Variants in RREB1 observed in about 807,000 individuals in gnomAD.
RREB1 encodes the protein ras-responsive element-binding protein 1.
RREB1 carries 27 observed loss-of-function variants against 117.8 expected under a neutral mutation model. The observed-to-expected ratio is 0.23, with a 90% CI of 0.17 to 0.32. RREB1 has a LOEUF of 0.32. Among genes scored for constraint, RREB1 ranks in the 10% least tolerant of loss-of-function variants. RREB1 has a pLI of 1.00. For synonymous variants in RREB1, 1,298 were observed against 1,026.7 expected (o/e 1.26, Z -5.05); for missense variants, 2,577 against 2,378.2 (o/e 1.08, Z -1.74).
At chr6:7,188,248 T>TGTGC (rs772080167) in intron 5 of RREB1, among the ~76,000 whole-genome samples, 1 of 145,420 alleles carries the variant, frequency 6.9e-6, no homozygotes, top group Non-Finnish European at 1.5e-5. Context: ...TGTGTGTGTG[T>TGTGC]GTGTGCGCGC....
chr6:7,246,404 C>G lies in RREB1; in HGVS notation c.3974-20C>G, dbSNP rs540309685. ...CTGGTGGTGCCCCTCTGAGCCCTCC[C>G]CGCTGTGCTTGCCCCACAGACAGTC... On this transcript the variant is annotated intron_variant, in intron 11 of 12. Coordinates refer to ENST00000379938, the MANE Select transcript of RREB1 (RefSeq NM_001003699.4). The G allele has an allele frequency of 6.8e-7, 1 of 1,463,168 alleles. No homozygotes were observed. Among genetic ancestry groups the G allele is most frequent in the South Asian group, 1.4e-5 (1 of 71,892 alleles). The allele number at this position is 1,463,168 out of a possible 1,614,324, so 90.6% of individuals were successfully genotyped here.
At chr6:7,165,831 C>A (rs532221792) in intron 1 of RREB1, among the ~76,000 whole-genome samples, 1 of 152,052 alleles carries the variant, frequency 6.6e-6, no homozygotes, top group African/African-American at 2.4e-5. Context: ...GTCTATCTCC[C>A]CTTTTCAGTT....
rs745694545 is a variant in RREB1, at chr6:7,230,805, C to T, written c.2706C>T (p.Phe902=). 4.3e-6 allele frequency: 7 copies of T among 1,614,200 alleles called. 1 individual carries two copies. In the South Asian group the frequency reaches 7.7e-5, roughly 18 times the overall value. Residue 902 remains phenylalanine, a synonymous_variant, in exon 10 of 13, where the codon TTC becomes TTT. Transcript: ENST00000379938. ...FAVDFNEPLD[F]SQKGLALVQV... ...TGGACTTCAATGAGCCCCTGGACTT[C>T]TCGCAGAAGGGCCTGGCCCTGGTCC...
chr6:7,135,750 C>T (rs1762323804), intron 1 of RREB1, among the ~76,000 whole-genome samples: 1 of 152,154 alleles, frequency 6.6e-6, no homozygotes, highest in African/African-American at 2.4e-5. Context: ...AAACATTTAA[C>T]ATGATCTTTA....
At position 7,230,656 on chromosome 6, in the gene RREB1, C is replaced by G. The variant is rs780801400; in HGVS notation, c.2557C>G (p.Leu853Val). ...CGGGGAGGACAGTGGCTGCGCTGCCCTTGGTGACTGCAAGCCCCTCACTGC... is the reference window on the plus strand; with the variant it reads ...CGGGGAGGACAGTGGCTGCGCTGCCGTTGGTGACTGCAAGCCCCTCACTGC... ...GRGEDSGCAA[L>V]GDCKPLTAFL... The change falls in exon 10 of 13, where the codon CTT (leucine) becomes GTT (valine). Residue 853 changes from leucine to valine, a missense_variant. By Grantham distance (32) the Leu-to-Val change is conservative (BLOSUM62 1). Coordinates refer to ENST00000379938, the MANE Select transcript of RREB1 (RefSeq NM_001003699.4). 1 of 1,598,890 alleles carries G rather than the reference C, an allele frequency of 6.3e-7. No homozygotes were observed. The highest frequency in any genetic ancestry group is 2.2e-5 in the East Asian group (1 of 44,654).
rs774905421 is a variant in RREB1 at position 7,187,442 on chromosome 6, AGAG to A, written c.184_186del (p.Glu62del). Reference sequence around the variant, plus strand: ...TTAATCTTTCTTTTTAGGAAACGAAAGAGGAGAAGTCTTCCTATAACTGCCCCC... The same window carrying A: ...TTAATCTTTCTTTTTAGGAAACGAAAGAGAAGTCTTCCTATAACTGCCCCC... On this transcript the variant is annotated inframe_deletion, in exon 5 of 13. Coordinates refer to ENST00000379938, the MANE Select transcript of RREB1 (RefSeq NM_001003699.4). 7.5e-6 allele frequency: 12 copies of A among 1,598,984 alleles called. No homozygotes were observed. Among genetic ancestry groups the A allele is most frequent in the Admixed American group, 3.4e-5 (2 of 59,686 alleles).
chr6:7,177,843 C>G lies in RREB1; in HGVS notation c.-166+1070C>G, dbSNP rs150342738. Among the ~76,000 whole-genome samples the G allele has an allele frequency of 1.9e-3, 288 of 152,244 alleles. 9 individuals carry two copies. In the East Asian group the frequency reaches 0.046, roughly 24 times the overall value. Reference sequence around the variant, plus strand: ...GTTCAAGCGATTCTCCTATTTCAGCCTCCTGAGTAGCTGGGATTACAGGCA... The same window carrying G: ...GTTCAAGCGATTCTCCTATTTCAGCGTCCTGAGTAGCTGGGATTACAGGCA... On this transcript the variant is annotated intron_variant, in intron 2 of 12. Coordinates refer to ENST00000379938, the MANE Select transcript of RREB1 (RefSeq NM_001003699.4).
At chr6:7,184,280 TTTATTA>T (rs1254852556) in intron 4 of RREB1, among the ~76,000 whole-genome samples, 2 of 151,184 alleles carry the variant, frequency 1.3e-5, no homozygotes, top group African/African-American at 4.8e-5. Context: ...TATTATTTTT[TTTATTA>T]TTATTATGTT....
At chr6:7,175,952 C>G (rs1441346702) in intron 1 of RREB1, among the ~76,000 whole-genome samples, 1 of 152,210 alleles carries the variant, frequency 6.6e-6, no homozygotes, top group Non-Finnish European at 1.5e-5. Flanking sequence ...AGGTCTGGCT[C>G]TGTTACCCAG....
In RREB1 at chr6:7,229,427, A is replaced by G; in HGVS notation, c.1328A>G (p.Gln443Arg). Residue 443 changes from glutamine (Q) to arginine (R), a missense_variant, in exon 10 of 13, where the codon CAG becomes CGG. Gln to Arg is a conservative substitution (Grantham distance 43). Transcript: ENST00000379938. The surrounding 1 kb of genome is among the most constrained non-coding windows in gnomAD (Gnocchi z 4.5). ...AAGCACCTGTCCCTGCAGCCCTTCC[A>G]GAAGGGCTTCATCATCCAGCCTGAC... ...SIKHLSLQPFQKGFIIQPDSS... is the reference protein window; with the variant it reads ...SIKHLSLQPFRKGFIIQPDSS... The G allele has an allele frequency of 6.2e-7, 1 of 1,614,152 alleles. No individual in the cohort carries two copies. The highest frequency in any genetic ancestry group is 2.2e-5 in the East Asian group (1 of 44,888).
At chr6:7,216,669 C>T (rs1766918034) in intron 8 of RREB1, 1 of 152,288 alleles carries the variant, frequency 6.6e-6, no homozygotes, top group Non-Finnish European at 1.5e-5. Flanking sequence ...ATTGATCCCA[C>T]CCTTGTCAAA....
intron 10 of RREB1, among the ~76,000 whole-genome samples, chr6:7,232,763 C>CTTTTTTTTTTTTT (rs59522749): frequency 1.5e-5 from 2 of 136,970 alleles, no homozygotes; most frequent in Non-Finnish European, 3.1e-5. Flanking sequence ...TTTTCTTTTT[C>CTTTTTTTTTTTTT]TTTTTTTTTT....
chr6:7,210,944 A>C lies in RREB1; in HGVS notation c.566A>C (p.Lys189Thr). 2 of 1,613,474 alleles carry C rather than the reference A, an allele frequency of 1.2e-6. No individual in the cohort carries two copies. Among genetic ancestry groups the C allele is most frequent in the Non-Finnish European group, 1.7e-6 (2 of 1,179,742 alleles). The part of the protein sequence containing the change: ...ESEREDPAPA[K>T]KMVEDGQSGD... Reference sequence around the variant, plus strand: ...GAGAGAGAAGACCCAGCACCAGCTAAAAAGGTCCTCTTGGCTCCCAGTGCA... The same window carrying C: ...GAGAGAGAAGACCCAGCACCAGCTACAAAGGTCCTCTTGGCTCCCAGTGCA... The change falls in exon 7 of 13, where the codon AAA becomes ACA. Residue 189 changes from lysine (K) to threonine (T), a missense_variant. Transcript: ENST00000379938.
At position 7,229,133 on chromosome 6, in the gene RREB1, A is replaced by G; in HGVS notation, c.1034A>G (p.Gln345Arg). 5 of 1,609,228 alleles carry G rather than the reference A, an allele frequency of 3.1e-6. No individual in the cohort carries two copies. The highest frequency in any genetic ancestry group is 1.7e-5 in the Admixed American group (1 of 59,862). The stretch of plus-strand genomic sequence containing the variant: ...ACCCATGTGGCGGCAGACCAGGGTC[A>G]AGAAAAGCCGCAGGCCACGCCCCTG... ...KQTHVAADQGQEKPQATPLPG... is the reference protein window; with the variant it reads ...KQTHVAADQGREKPQATPLPG... The change falls in exon 10 of 13, where the codon CAA becomes CGA. Residue 345 changes from glutamine to arginine, a missense_variant. Physicochemically the swap from Gln to Arg is conservative, Grantham distance 43. Coordinates refer to ENST00000379938, the MANE Select transcript of RREB1 (RefSeq NM_001003699.4). The surrounding 1 kb of genome is among the most constrained non-coding windows in gnomAD (Gnocchi z 4.5).
chr6:7,251,103 C>T lies in RREB1; in HGVS notation c.*2135C>T, dbSNP rs926877477. The T allele has an allele frequency of 2.0e-5, 3 of 152,122 alleles. No homozygotes were observed. The highest frequency in any genetic ancestry group is 7.2e-5 in the African/African-American group (3 of 41,396). The allele number at this position is 152,122 out of a possible 1,614,324, so 9.4% of individuals were successfully genotyped here. A position where few individuals can be genotyped will look rare whatever the true frequency, so the allele number is the denominator to read the frequency against. The stretch of plus-strand genomic sequence containing the variant: ...TGTGGGGAGAAGCTGTGACTAAACT[C>T]TACGCTGCGGTGAGATGTAGCAGTA... On this transcript the variant is annotated 3_prime_UTR_variant, in exon 13 of 13. Transcript: ENST00000379938.
Position 7,153,131 on chromosome 6 carries a change from A to T in RREB1, c.-284-23524A>T, listed in dbSNP as rs1252364841. Reference sequence around the variant, plus strand: ...TTTTTTTTTTTTTTTTTTTTTGAGGAAAATATTTTTAATGTTTCATTCCAC... The same window carrying T: ...TTTTTTTTTTTTTTTTTTTTTGAGGTAAATATTTTTAATGTTTCATTCCAC... On this transcript the variant is annotated intron_variant, in intron 1 of 12. Transcript: ENST00000379938. Among the ~76,000 whole-genome samples, 4 of 126,192 alleles carry T rather than the reference A, an allele frequency of 3.2e-5. No individual in the cohort carries two copies. In the East Asian group the frequency reaches 9.1e-4, roughly 29 times the overall value. The allele number at this position is 126,192 out of a possible 152,430, so 82.8% of individuals were successfully genotyped here. A position where few individuals can be genotyped will look rare whatever the true frequency, so the allele number is the denominator to read the frequency against.
intron 1 of RREB1, among the ~76,000 whole-genome samples, chr6:7,156,016 C>T (rs1477552077): frequency 6.6e-6 from 1 of 152,222 alleles, no homozygotes; most frequent in Non-Finnish European, 1.5e-5. Flanking sequence ...TGGCTGGGAA[C>T]AGCTGCTAAG....
chr6:7,163,743 T>C (rs1335679824), intron 1 of RREB1, among the ~76,000 whole-genome samples: 1 of 152,210 alleles, frequency 6.6e-6, no homozygotes, highest in East Asian at 1.9e-4. Flanking sequence ...TGAGTTTGTG[T>C]GAGCACGTGT....
chr6:7,167,349 ATTTTTTTTT>A (rs777728313), intron 1 of RREB1, among the ~76,000 whole-genome samples: 1 of 120,060 alleles, frequency 8.3e-6, no homozygotes, highest in Non-Finnish European at 1.7e-5. Flanking sequence ...CTGGGACAGG[ATTTTTTTTT>A]TTTTTTTTTT....
Sources: allele counts gnomAD v4.1 joint callset (sites outside exome capture counted in the v4.1 genomes callset), GRCh38; gene constraint gnomAD v4.1.1; non-coding constraint Gnocchi (gnomAD v3.1); transcripts MANE v1.5; gene names NCBI Gene and HGNC (gene_info 2026-07-23, HGNC 2026-07-21).